Variants in F13A1 observed in about 807,000 individuals in gnomAD.
The protein encoded by F13A1 is FSF, A subunit.
F13A1 carries 47 observed loss-of-function variants against 80.1 expected under a neutral mutation model. The observed-to-expected ratio is 0.59, with a 90% CI of 0.46 to 0.75. The LOEUF is 0.75. Ranked by LOEUF, F13A1 falls within the 30% of genes least tolerant of loss-of-function variation. The pLI, the probability that F13A1 is intolerant of heterozygous loss-of-function variation, is 0.00. For missense variants in F13A1, 817 were observed against 930.4 expected (o/e 0.88, Z 1.59); for synonymous variants, 349 against 344.9 (o/e 1.01, Z -0.13).
At chr6:6,263,245 A>G (rs1757801315) in intron 4 of F13A1, among the ~76,000 whole-genome samples, 1 of 152,202 alleles carries the variant, frequency 6.6e-6, no homozygotes, top group Non-Finnish European at 1.5e-5. Flanking sequence ...CCTGTTTACA[A>G]CACAGCCCAT....
chr6:6,262,816 G>C (rs1473190846), intron 4 of F13A1, among the ~76,000 whole-genome samples: 2 of 151,994 alleles, frequency 1.3e-5, no homozygotes, highest in African/African-American at 2.4e-5. Context: ...TCTCTGGAGA[G>C]AGTAGATAGC....
intron 6 of F13A1, among the ~76,000 whole-genome samples, chr6:6,226,775 G>A (rs1016832187): frequency 1.3e-5 from 2 of 152,224 alleles, no homozygotes; most frequent in Admixed American, 6.5e-5. Context: ...ATGTATATTT[G>A]AGTAAGAATA....
intron 8 of F13A1, among the ~76,000 whole-genome samples, chr6:6,211,597 A>G (rs1259458999): frequency 6.6e-6 from 1 of 152,252 alleles, no homozygotes; most frequent in African/African-American, 2.4e-5. Flanking sequence ...ATAATTTTAC[A>G]ATATAAAAGT....
intron 1 of F13A1, among the ~76,000 whole-genome samples, chr6:6,319,696 T>C (rs1029491085): frequency 9.9e-5 from 15 of 152,124 alleles, no homozygotes; most frequent in African/African-American, 3.4e-4. Context: ...GTCCCCATTA[T>C]AGAGGCCACC....
In F13A1 at chr6:6,316,792, G is replaced by A. The variant is rs530792662; in HGVS notation, c.130+1743C>T. On this transcript the variant is annotated intron_variant, in intron 2 of 14. Transcript: ENST00000264870. ...CAGACACTGCTCACTAGATGCTCAC[G>A]ACAATCTGTGAAGTAGGCATTGCTT... 7.2e-5 allele frequency among the ~76,000 whole-genome samples: 11 copies of A among 152,274 alleles called. No individual in the cohort carries two copies. The East Asian group carries it at 1.4e-3, about 19-fold the overall frequency.
intron 1 of F13A1, among the ~76,000 whole-genome samples, chr6:6,319,356 A>G (rs1043124936): frequency 6.6e-6 from 1 of 152,210 alleles, no homozygotes; most frequent in African/African-American, 2.4e-5. Flanking sequence ...AAATTGAGCC[A>G]CATGGAGGAG....
intron 10 of F13A1, among the ~76,000 whole-genome samples, chr6:6,185,180 G>T (rs1465143623): frequency 6.6e-6 from 1 of 150,384 alleles, no homozygotes; most frequent in South Asian, 2.1e-4. Context: ...TGCACATTGT[G>T]CAGGTTAGTT....
At position 6,167,472 on chromosome 6, in the gene F13A1, C is replaced by G. The variant is rs752897176; in HGVS notation, c.1894G>C (p.Glu632Gln). 6.2e-7 allele frequency: 1 copy of G among 1,613,980 alleles called. No homozygotes were observed. Among genetic ancestry groups the G allele is most frequent in the Non-Finnish European group, 8.5e-7 (1 of 1,180,000 alleles). Residue 632 changes from glutamate to glutamine, a missense_variant, in exon 13 of 15, where the codon GAG becomes CAG. Glu to Gln is a conservative substitution (Grantham distance 29). Coordinates refer to ENST00000264870, the MANE Select transcript of F13A1 (RefSeq NM_000129.4). ...CTAAGACTGACCTTGATGATGATCT[C>G]AGGGATGGTTAGCACGGTGGACTTT... ...KQKSTVLTIP[E>Q]IIIKVRGTQV... is the part of the protein sequence containing the mutation.
chr6:6,309,447 G>C (rs560521264), intron 2 of F13A1, among the ~76,000 whole-genome samples: 2 of 152,156 alleles, frequency 1.3e-5, no homozygotes. Context: ...AAGGGGGGTG[G>C]AGAGGAATGC....
At chr6:6,311,433 A>G (rs553347055) in intron 2 of F13A1, among the ~76,000 whole-genome samples, 1 of 151,840 alleles carries the variant, frequency 6.6e-6, no homozygotes, top group African/African-American at 2.4e-5. Flanking sequence ...TTGGAATAAA[A>G]TACTGTCTTT....
intron 6 of F13A1, among the ~76,000 whole-genome samples, chr6:6,227,559 C>T (rs562912258): frequency 4.6e-4 from 70 of 152,146 alleles, no homozygotes; most frequent in Non-Finnish European, 8.8e-4. Context: ...TATCCATTAT[C>T]GTGAAGATTG....
intron 2 of F13A1, among the ~76,000 whole-genome samples, chr6:6,313,111 A>G (rs1033881808): frequency 6.6e-6 from 1 of 152,106 alleles, no homozygotes; most frequent in Non-Finnish European, 1.5e-5. Context: ...GCAAGCATTG[A>G]TGAATCTAGC....
chr6:6,219,327 A>C (rs1246503164), intron 8 of F13A1, among the ~76,000 whole-genome samples: 2 of 136,784 alleles, frequency 1.5e-5, no homozygotes, highest in Non-Finnish European at 3.1e-5. Context: ...CTCCACCCTC[A>C]CCCTCACCCT....
At chr6:6,224,612 T>G in intron 7 of F13A1, 74 bp downstream of exon 7, 1 of 1,402,806 alleles carries the variant, frequency 7.1e-7, no homozygotes. Flanking sequence ...TGTCTCTTTG[T>G]TAGGTTATAG....
chr6:6,201,702 T>G (rs571875732), intron 8 of F13A1, among the ~76,000 whole-genome samples: 2 of 151,868 alleles, frequency 1.3e-5, no homozygotes, highest in Non-Finnish European at 1.5e-5. Context: ...TATTTTCCTG[T>G]TTTTTGTTTT....
intron 4 of F13A1, among the ~76,000 whole-genome samples, chr6:6,258,171 CAG>C (rs1283513911): frequency 1.3e-5 from 2 of 152,086 alleles, no homozygotes; most frequent in African/African-American, 4.8e-5. Context: ...CTTACCTTGA[CAG>C]AGTCAGGATG....
chr6:6,256,034 T>C (rs557636537), intron 4 of F13A1, among the ~76,000 whole-genome samples: 2 of 152,320 alleles, frequency 1.3e-5, no homozygotes, highest in South Asian at 2.1e-4. Flanking sequence ...AGATTTTTGC[T>C]GTTGGCTTTT....
intron 4 of F13A1, 135 bp from the exon 5 acceptor site, chr6:6,251,064 C>T (rs1757625817): frequency 1.3e-6 from 1 of 764,962 alleles, no homozygotes; most frequent in East Asian, 2.5e-5. Flanking sequence ...TTTGTTTCAC[C>T]AAGCATAGCT....
chr6:6,198,833 TC>T (rs1238671943), intron 8 of F13A1, among the ~76,000 whole-genome samples: 1 of 152,160 alleles, frequency 6.6e-6, no homozygotes, highest in Non-Finnish European at 1.5e-5. Context: ...ATTTAAATGA[TC>T]CCTGGTAAAA....
Sources: allele counts gnomAD v4.1 joint callset (sites outside exome capture counted in the v4.1 genomes callset), GRCh38; gene constraint gnomAD v4.1.1; transcripts MANE v1.5; gene names NCBI Gene and HGNC (gene_info 2026-07-23, HGNC 2026-07-21).